The following ABCD3 variants were observed in gnomAD, a reference collection of about 807,000 sequenced individuals.
ABCD3 encodes ATP-binding cassette sub-family D member 3.
ABCD3 carries 41 observed loss-of-function variants against 105.5 expected under a neutral mutation model. The ratio of observed to expected loss-of-function variants is 0.39; its 90% CI spans 0.30 to 0.50. The LOEUF (loss-of-function observed/expected upper bound fraction) is 0.50, where lower values mean the gene tolerates loss of function less well. ABCD3 is among the 20% of genes least tolerant of loss of function. The probability of loss-of-function intolerance (pLI) is 0.84; values close to 1 mark genes in which losing one functional copy is unlikely to be tolerated. For synonymous variants in ABCD3, 258 were observed against 269.0 expected (o/e 0.96, Z 0.40); for missense variants, 622 against 806.3 (o/e 0.77, Z 2.77).
intron 22 of ABCD3, 26 bp from the exon 23 acceptor site, chr1:94,517,025 AC>A: frequency 6.6e-7 from 1 of 1,504,496 alleles, no homozygotes; most frequent in Non-Finnish European, 9.3e-7. Context: ...TTAGTTACTG[AC>A]TTTTTTTCCC....
At chr1:94,397,107 TA>T in the ABCD3 span, among the ~76,000 whole-genome samples, 1 of 152,212 alleles carries the variant, frequency 6.6e-6, no homozygotes, top group Non-Finnish European at 1.5e-5. Context: ...AACCTTTTTA[TA>T]AACTTGTTAT....
chr1:94,512,429 A>C (rs1351700003), intron 21 of ABCD3, among the ~76,000 whole-genome samples: 1 of 151,970 alleles, frequency 6.6e-6, no homozygotes, highest in East Asian at 1.9e-4. Context: ...TGTTTTATAT[A>C]AATGAGATAT....
chr1:94,438,687 C>T (rs1660019721), intron 1 of ABCD3, among the ~76,000 whole-genome samples: 1 of 152,160 alleles, frequency 6.6e-6, no homozygotes, highest in Non-Finnish European at 1.5e-5. Flanking sequence ...GTTTGTTCAG[C>T]AGCCATTAAC....
At chr1:94,444,900 A>G (rs1237651326) in intron 1 of ABCD3, among the ~76,000 whole-genome samples, 1 of 152,188 alleles carries the variant, frequency 6.6e-6, no homozygotes, top group African/African-American at 2.4e-5. Context: ...CCCATGCTGA[A>G]GGTTGCAGGT....
At chr1:94,515,718 T>G (rs1169517866) in intron 22 of ABCD3, among the ~76,000 whole-genome samples, 1 of 151,988 alleles carries the variant, frequency 6.6e-6, no homozygotes, top group African/African-American at 2.4e-5. Flanking sequence ...ATTCTGGTGC[T>G]TCAGTAGTGC....
chr1:94,409,396 T>G, the ABCD3 span, among the ~76,000 whole-genome samples: 1 of 152,190 alleles, frequency 6.6e-6, no homozygotes, highest in East Asian at 1.9e-4. Context: ...TTCATCTTAT[T>G]TTTTTAACTG....
At chr1:94,484,694 C>G (rs531557573) in intron 10 of ABCD3, among the ~76,000 whole-genome samples, 12 of 152,156 alleles carry the variant, frequency 7.9e-5, no homozygotes, top group South Asian at 6.2e-4. Context: ...TAAATGACGA[C>G]TTAATGAGTG....
Position 94,418,776 on chromosome 1 carries a change from A to G in ABCD3, c.110+188A>G. 3 of 628,630 alleles carry G rather than the reference A, an allele frequency of 4.8e-6. No homozygotes were observed. In the South Asian group the frequency reaches 5.9e-5, roughly 12 times the overall value. 38.9% of individuals were successfully genotyped at this position (628,630 alleles called of 1,614,324 possible). The stretch of plus-strand genomic sequence containing the variant: ...TCCCCGCCACGACGGCGTCGGTCCC[A>G]GCTGGCCTGTCCGGCGACCTCGCTC... On this transcript the variant is annotated intron_variant, in intron 1 of 22. Coordinates refer to ENST00000370214, the MANE Select transcript of ABCD3 (RefSeq NM_002858.4).
At chr1:94,400,582 C>T in the ABCD3 span, among the ~76,000 whole-genome samples, 1 of 152,108 alleles carries the variant, frequency 6.6e-6, no homozygotes, top group African/African-American at 2.4e-5. Flanking sequence ...AGCAGGAGAA[C>T]AGCAGTGCCA....
At chr1:94,447,711 G>C (rs889233981) in intron 1 of ABCD3, among the ~76,000 whole-genome samples, 2 of 152,164 alleles carry the variant, frequency 1.3e-5, no homozygotes, top group Non-Finnish European at 2.9e-5. Flanking sequence ...GCAAAATTCA[G>C]TTTCTAGTGC....
At chr1:94,426,021 T>C (rs553200570) in intron 1 of ABCD3, among the ~76,000 whole-genome samples, 1 of 152,322 alleles carries the variant, frequency 6.6e-6, no homozygotes, top group East Asian at 1.9e-4. Context: ...GAAAACGTTT[T>C]AACCCAGTGC....
At chr1:94,502,610 C>T (rs2101047949) in intron 20 of ABCD3, among the ~76,000 whole-genome samples, 1 of 152,002 alleles carries the variant, frequency 6.6e-6, no homozygotes, top group East Asian at 1.9e-4. Flanking sequence ...GATTCTCCTG[C>T]CTCAGCCTCC....
intron 7 of ABCD3, among the ~76,000 whole-genome samples, chr1:94,477,227 C>CAAAAAAAAAAAAAAA (rs561060182): frequency 2.3e-5 from 1 of 44,294 alleles, no homozygotes; most frequent in Non-Finnish European, 3.8e-5. Context: ...ACTTATAAGG[C>CAAAAAAAAAAAAAAA]AAAAAAAAAA....
At chr1:94,452,822 C>T (rs1041111483) in intron 1 of ABCD3, among the ~76,000 whole-genome samples, 9 of 151,962 alleles carry the variant, frequency 5.9e-5, no homozygotes, top group Admixed American at 3.9e-4. Flanking sequence ...CCGCAACTTC[C>T]GCCTCCCAGG....
intron 1 of ABCD3, among the ~76,000 whole-genome samples, chr1:94,456,618 T>C (rs1196194995): frequency 6.6e-6 from 1 of 151,782 alleles, no homozygotes; most frequent in African/African-American, 2.4e-5. Flanking sequence ...ATTGTATTTA[T>C]ATACCACATA....
At chr1:94,431,692 C>T (rs536798867) in intron 1 of ABCD3, among the ~76,000 whole-genome samples, 29 of 152,160 alleles carry the variant, frequency 1.9e-4, no homozygotes, top group Non-Finnish European at 2.9e-4. Flanking sequence ...TCCTGAGTAG[C>T]TGGGACTATA....
the ABCD3 span, among the ~76,000 whole-genome samples, chr1:94,391,953 C>T: frequency 1.3e-5 from 2 of 152,138 alleles, no homozygotes; most frequent in Admixed American, 1.3e-4. Context: ...ATCTGCCACA[C>T]AGAAAACGGT....
chr1:94,473,700 A>G, intron 4 of ABCD3, 66 bp from the exon 5 acceptor site: 4 of 1,190,880 alleles, frequency 3.4e-6, no homozygotes, highest in Non-Finnish European at 3.8e-6. Context: ...AGAGCTTTAC[A>G]GAAGTTTTCC....
At chr1:94,435,941 C>A (rs1659885415) in intron 1 of ABCD3, among the ~76,000 whole-genome samples, 1 of 152,194 alleles carries the variant, frequency 6.6e-6, no homozygotes, top group Admixed American at 6.5e-5. Context: ...CCAATGGGAG[C>A]CTCTTTAAGC....
Sources: gnomAD v4.1 joint callset for allele counts (sites outside exome capture counted in the v4.1 genomes callset) on GRCh38, gnomAD v4.1.1 for gene constraint, MANE v1.5 for transcripts, NCBI Gene and HGNC (gene_info 2026-07-23, HGNC 2026-07-21) for gene names.